The following CELSR1 variants were observed in gnomAD, a reference collection of about 807,000 sequenced individuals.
The protein encoded by CELSR1 is cadherin EGF LAG seven-pass G-type receptor 1.
CELSR1 carries 110 observed loss-of-function variants against 249.1 expected under a neutral mutation model. The observed-to-expected ratio is 0.44, with a 90% confidence interval of 0.38 to 0.52. The LOEUF is 0.52. CELSR1 is among the 20% of genes least tolerant of loss of function. CELSR1 has a pLI of 0.00. For missense variants in CELSR1, 4,109 were observed against 4,296.4 expected (o/e 0.96, Z 1.22); for synonymous variants, 2,113 against 1,900.0 (o/e 1.11, Z -2.92).
Position 46,464,826 on chromosome 22 carries a change from C to T in CELSR1, c.3545-481G>A, listed in dbSNP as rs898131112. Among the ~76,000 whole-genome samples, 1 of 152,150 alleles carries T rather than the reference C, an allele frequency of 6.6e-6. No homozygotes were observed. The highest frequency in any genetic ancestry group is 2.4e-5 in the African/African-American group (1 of 41,444). On this transcript the variant is annotated intron_variant, in intron 1 of 34. Coordinates refer to ENST00000674500, the MANE Select transcript of CELSR1 (RefSeq NM_001378328.1). This position sits in a 1 kb window ranked among gnomAD's most constrained non-coding sequence, Gnocchi z 8.5. ...ACCTCCCAACAGTTCTTCCTGTCCT[C>T]GCAGCTCAGCTCAAACTCTGCAGTG... is the stretch of plus-strand genomic sequence containing the variant.
At chr22:46,528,362 G>A (rs1369731012) in intron 1 of CELSR1, among the ~76,000 whole-genome samples, 1 of 152,148 alleles carries the variant, frequency 6.6e-6, no homozygotes, top group Non-Finnish European at 1.5e-5. Flanking sequence ...ATTTCACCGA[G>A]TTTCAGTATT....
Position 46,362,732 on chromosome 22 carries a change from G to A in CELSR1, c.*491C>T, listed in dbSNP as rs910380057. On this transcript the variant is annotated 3_prime_UTR_variant, in exon 35 of 35. Transcript: ENST00000674500. ...AAAGTATCTCCACCTTTCCCACATAGCGAAGTGATTTTAAGACAAGGGGTG... is the reference window on the plus strand; with the variant it reads ...AAAGTATCTCCACCTTTCCCACATAACGAAGTGATTTTAAGACAAGGGGTG... 3 of 178,278 alleles carry A rather than the reference G, an allele frequency of 1.7e-5. No individual in the cohort carries two copies. The highest frequency in any genetic ancestry group is 7.1e-5 in the African/African-American group (3 of 42,536). The allele number at this position is 178,278 out of a possible 1,614,324, so 11.0% of individuals were successfully genotyped here.
At chr22:46,379,197 C>G (rs767809438) in intron 22 of CELSR1, among the ~76,000 whole-genome samples, 1 of 152,236 alleles carries the variant, frequency 6.6e-6, no homozygotes, top group Non-Finnish European at 1.5e-5. Context: ...CTGACACTTT[C>G]ATCTTCAGAT....
chr22:46,508,940 T>C (rs948716017), intron 1 of CELSR1, among the ~76,000 whole-genome samples: 2 of 152,026 alleles, frequency 1.3e-5, no homozygotes, highest in East Asian at 3.9e-4. Flanking sequence ...AACCCCGAGC[T>C]CCCAGAAGGC....
Position 46,409,890 on chromosome 22 carries a change from C to T in CELSR1, c.4934-10G>A. 4.3e-6 allele frequency: 7 copies of T among 1,611,774 alleles called. No individual in the cohort carries two copies. The highest frequency in any genetic ancestry group is 5.9e-6 in the Non-Finnish European group (7 of 1,179,926). ...CTCCGAGCAGCGCAGCCTGGCAACA[C>T]AGAGCGTGCGGCAGAGCCTGACTCG... On this transcript the variant is annotated splice_polypyrimidine_tract_variant and intron_variant, in intron 7 of 34. Coordinates refer to ENST00000674500, the MANE Select transcript of CELSR1 (RefSeq NM_001378328.1). This position sits in a 1 kb window ranked among gnomAD's most constrained non-coding sequence, Gnocchi z 9.8.
At chr22:46,494,017 A>G (rs190498072) in intron 1 of CELSR1, among the ~76,000 whole-genome samples, 113 of 152,358 alleles carry the variant, frequency 7.4e-4, no homozygotes, top group African/African-American at 2.1e-3. Flanking sequence ...TCAAAAAAGA[A>G]TATTAAGAAT....
intron 24 of CELSR1, among the ~76,000 whole-genome samples, chr22:46,373,684 ATGGGGG>A (rs1490121620): frequency 0.038 from 1,983 of 52,538 alleles, 102 homozygotes; most frequent in African/African-American, 0.11. Context: ...GATGGGGGAG[ATGGGGG>A]AGAAGGGGGA....
chr22:46,377,494 G>T (rs2878858), intron 23 of CELSR1: 1 of 564,000 alleles, frequency 1.8e-6, no homozygotes, highest in Non-Finnish European at 3.2e-6. Context: ...AGCACGCCAG[G>T]CTCCCTCCAC....
chr22:46,364,417 C>A, intron 33 of CELSR1, 95 bp downstream of exon 33: 1 of 1,494,578 alleles, frequency 6.7e-7, no homozygotes, highest in Non-Finnish European at 9.0e-7. Flanking sequence ...CCCTGACTTG[C>A]CCCACCAGCC....
At position 46,534,729 on chromosome 22, in the gene CELSR1, G is replaced by A. The variant is rs747834868; in HGVS notation, c.2442C>T (p.Asn814=). 8.1e-6 allele frequency: 13 copies of A among 1,613,264 alleles called. No individual in the cohort carries two copies. The highest frequency in any genetic ancestry group is 4.5e-5 in the East Asian group (2 of 44,880). ...GGGCATTCTCTCCTGTGTCCTCATC[G>A]TTGGCACTGAGGGTAGCAATGGAGG... is the stretch of plus-strand genomic sequence containing the variant. ...VGTSIATLSA[N]DEDTGENARI... The change falls in exon 1 of 35, where the codon AAC becomes AAT. Residue 814 remains asparagine, a synonymous_variant. Transcript: ENST00000674500. This position sits in a 1 kb window ranked among gnomAD's most constrained non-coding sequence, Gnocchi z 9.7.
At chr22:46,420,624 ACACT>A (rs111877738) in intron 5 of CELSR1, among the ~76,000 whole-genome samples, 9,288 of 152,226 alleles carry the variant, frequency 0.061, 912 homozygotes, top group African/African-American at 0.21. Context: ...TCACCTGTAC[ACACT>A]CACCTTGCAC....
At chr22:46,521,269 C>T (rs1176705913) in intron 1 of CELSR1, among the ~76,000 whole-genome samples, 2 of 151,964 alleles carry the variant, frequency 1.3e-5, no homozygotes, top group East Asian at 1.9e-4. Context: ...TTTGGGAAGC[C>T]GAAGCAAGAG....
At chr22:46,414,927 C>T (rs541166642) in intron 5 of CELSR1, among the ~76,000 whole-genome samples, 4 of 152,300 alleles carry the variant, frequency 2.6e-5, no homozygotes, top group South Asian at 2.1e-4. Flanking sequence ...ATCCCTGCAC[C>T]GGAATCGCAG....
intron 1 of CELSR1, among the ~76,000 whole-genome samples, chr22:46,533,059 T>A (rs1265172140): frequency 1.3e-5 from 2 of 152,178 alleles, no homozygotes; most frequent in Non-Finnish European, 2.9e-5. Flanking sequence ...GCTATGCTTT[T>A]CAAAGAGCTT....
At chr22:46,422,516 C>G (rs550331559) in intron 5 of CELSR1, among the ~76,000 whole-genome samples, 1 of 151,496 alleles carries the variant, frequency 6.6e-6, no homozygotes, top group African/African-American at 2.4e-5. Context: ...GGGCGGATCA[C>G]GAGGTCAGGT....
chr22:46,369,087 C>A (rs745513939), intron 27 of CELSR1, 92 bp downstream of exon 27: 2 of 1,195,000 alleles, frequency 1.7e-6, no homozygotes, highest in Non-Finnish European at 2.5e-6. Flanking sequence ...GAGGCCTACA[C>A]GCTCTCATGG....
In CELSR1 at chr22:46,398,139, C is replaced by T. The variant is rs915186297; in HGVS notation, c.5527-291G>A. ...CGAGGGGGCTGAGAGCTGAACGACT[C>T]AGAGCAGCTCCCTCGGCCGTAGCTG... On this transcript the variant is annotated intron_variant, in intron 11 of 34. Transcript: ENST00000674500. This position sits in a 1 kb window ranked among gnomAD's most constrained non-coding sequence, Gnocchi z 7.2. 6.6e-6 allele frequency among the ~76,000 whole-genome samples: 1 copy of T among 152,014 alleles called. No homozygotes were observed. Among genetic ancestry groups the T allele is most frequent in the Non-Finnish European group, 1.5e-5 (1 of 67,978 alleles).
At chr22:46,378,342 C>T (rs917978559) in intron 23 of CELSR1, among the ~76,000 whole-genome samples, 1 of 152,176 alleles carries the variant, frequency 6.6e-6, no homozygotes, top group East Asian at 1.9e-4. Flanking sequence ...CTCTGAAAAC[C>T]CTTATAATGG....
rs2147677597 is a variant in CELSR1, at chr22:46,484,594, G to C, written c.3545-20249C>G. On this transcript the variant is annotated intron_variant, in intron 1 of 34. Coordinates refer to ENST00000674500, the MANE Select transcript of CELSR1 (RefSeq NM_001378328.1). This position sits in a 1 kb window ranked among gnomAD's most constrained non-coding sequence, Gnocchi z 4.5. ...GCCCGGGACAGCCTGGCAAGGGGCA[G>C]CTGCGCTCACATACCACGAGAGCTA... 6.7e-6 allele frequency among the ~76,000 whole-genome samples: 1 copy of C among 150,096 alleles called. No homozygotes were observed. Among genetic ancestry groups the C allele is most frequent in the African/African-American group, 2.4e-5 (1 of 40,912 alleles).
Sources: allele counts gnomAD v4.1 joint callset (sites outside exome capture counted in the v4.1 genomes callset), GRCh38; gene constraint gnomAD v4.1.1; non-coding constraint Gnocchi (gnomAD v3.1); transcripts MANE v1.5; gene names NCBI Gene and HGNC (gene_info 2026-07-23, HGNC 2026-07-21).